The following DGKG variants were observed in gnomAD, a reference collection of about 807,000 sequenced individuals.
DGKG encodes the protein DAG kinase gamma.
In DGKG, 78 loss-of-function variants were observed where a neutral mutation model predicts 105.3. The observed-to-expected ratio is 0.74, with a 90% CI of 0.62 to 0.89. DGKG has a LOEUF of 0.89. Ranked by LOEUF, DGKG falls within the 40% of genes least tolerant of loss-of-function variation. DGKG has a pLI of 0.00. For missense variants in DGKG, 958 were observed against 1,020.1 expected, an observed-to-expected ratio of 0.94 and a Z score of 0.83; for synonymous variants, 346 against 367.1, an observed-to-expected ratio of 0.94 and a Z score of 0.66.
At chr3:186,308,602 A>T (rs1396417879) in intron 2 of DGKG, among the ~76,000 whole-genome samples, 2 of 152,176 alleles carry the variant, frequency 1.3e-5, no homozygotes, top group East Asian at 3.8e-4. Flanking sequence ...AGAAGTTCTA[A>T]TCATTTCAGG....
chr3:186,234,201 T>C (rs1057374257), intron 20 of DGKG, among the ~76,000 whole-genome samples: 2 of 152,228 alleles, frequency 1.3e-5, no homozygotes, highest in African/African-American at 2.4e-5. Context: ...TTTTAAATAT[T>C]TGAGGCCAAT....
At chr3:186,183,509 G>T (rs1249766543) in intron 22 of DGKG, among the ~76,000 whole-genome samples, 1 of 151,902 alleles carries the variant, frequency 6.6e-6, no homozygotes, top group African/African-American at 2.4e-5. Flanking sequence ...TTTCTTGGGG[G>T]GGGGCGGGGT....
chr3:186,354,523 G>A (rs991549834), intron 1 of DGKG, among the ~76,000 whole-genome samples: 7 of 152,198 alleles, frequency 4.6e-5, no homozygotes, highest in Non-Finnish European at 1.5e-5. Flanking sequence ...AGGCAAGTCT[G>A]GGTTTTGTCA....
intron 2 of DGKG, among the ~76,000 whole-genome samples, chr3:186,312,199 A>C (rs1724589791): frequency 6.6e-6 from 1 of 150,502 alleles, no homozygotes; most frequent in African/African-American, 2.4e-5. Flanking sequence ...AAACTGTTAA[A>C]CTCCGAAAAA....
intron 6 of DGKG, 140 bp downstream of exon 6, chr3:186,288,570 G>A: frequency 1.2e-6 from 1 of 851,500 alleles, no homozygotes. Context: ...TTTGGTAACA[G>A]GACAAAGAAA....
chr3:186,149,159 A>G lies in DGKG; in HGVS notation c.*931T>C. ...CTTCCTTCCCATCTTTTCTGCCTTC[A>G]GGAATAGTCTGCCACCAGGGCTTGG... is the stretch of plus-strand genomic sequence containing the variant. On this transcript the variant is annotated 3_prime_UTR_variant, in exon 25 of 25. Transcript: ENST00000265022. 1.0e-6 allele frequency: 1 copy of G among 985,096 alleles called. No homozygotes were observed. 61.0% of individuals were successfully genotyped at this position (985,096 alleles called of 1,614,324 possible). A position where few individuals can be genotyped will look rare whatever the true frequency, so the allele number is the denominator to read the frequency against.
chr3:186,345,855 C>T (rs547599682), intron 1 of DGKG, among the ~76,000 whole-genome samples: 31 of 152,266 alleles, frequency 2.0e-4, no homozygotes, highest in South Asian at 1.0e-3. Context: ...CTGCAACCTC[C>T]GCCTCATGAG....
intron 22 of DGKG, among the ~76,000 whole-genome samples, chr3:186,186,774 G>A (rs561878101): frequency 6.6e-6 from 1 of 152,170 alleles, no homozygotes; most frequent in African/African-American, 2.4e-5. Context: ...AGCCCACAGG[G>A]GAATCAGCTG....
At chr3:186,311,282 A>G (rs1299628682) in intron 2 of DGKG, among the ~76,000 whole-genome samples, 3 of 152,128 alleles carry the variant, frequency 2.0e-5, no homozygotes, top group Non-Finnish European at 4.4e-5. Flanking sequence ...TGTCCTAAAA[A>G]GCCCCTGAAC....
intron 17 of DGKG, among the ~76,000 whole-genome samples, chr3:186,256,959 CCTGT>C (rs1721505573): frequency 6.6e-6 from 1 of 152,202 alleles, no homozygotes; most frequent in Admixed American, 6.5e-5. Flanking sequence ...TTGTTCATTG[CCTGT>C]CTCTTTCCTC....
At position 186,353,604 on chromosome 3, in the gene DGKG, T is replaced by C. The variant is rs202023155; in HGVS notation, c.-249+8342A>G. On this transcript the variant is annotated intron_variant, in intron 1 of 24. Transcript: ENST00000265022. The stretch of plus-strand genomic sequence containing the variant: ...ATATATATATATACACACACACACA[T>C]ACACATATATATAGACTCTCTATCT... Among the ~76,000 whole-genome samples, 174 of 144,442 alleles carry C rather than the reference T, an allele frequency of 1.2e-3. 1 individual carries two copies. The highest frequency in any genetic ancestry group is 7.3e-3 in the Middle Eastern group (2 of 274). The allele number at this position is 144,442 out of a possible 152,430, so 94.8% of individuals were successfully genotyped here.
rs1382046842 is a variant in DGKG, at chr3:186,148,030, T to C, written c.*2060A>G. The C allele has an allele frequency of 5.1e-6, 5 of 985,462 alleles. No individual in the cohort carries two copies. The highest frequency in any genetic ancestry group is 6.0e-6 in the Non-Finnish European group (5 of 829,950). 61.0% of individuals were successfully genotyped at this position (985,462 alleles called of 1,614,324 possible). ...TAAGTGCCATTTGTACACACAATCT[T>C]AATATTCCCTTCTTTGTCCAAAGCT... On this transcript the variant is annotated 3_prime_UTR_variant, in exon 25 of 25. Transcript: ENST00000265022.
chr3:186,213,704 G>A (rs920790240), intron 20 of DGKG, among the ~76,000 whole-genome samples: 1 of 152,136 alleles, frequency 6.6e-6, no homozygotes, highest in Non-Finnish European at 1.5e-5. Flanking sequence ...CCAATCTGTA[G>A]AGATTCTATG....
At chr3:186,238,156 G>A (rs769591556) in intron 20 of DGKG, among the ~76,000 whole-genome samples, 2 of 151,900 alleles carry the variant, frequency 1.3e-5, no homozygotes, top group Non-Finnish European at 2.9e-5. Context: ...AGTTAGCCAG[G>A]CGTGGTGGTG....
At chr3:186,233,355 AC>A (rs1720247008) in intron 20 of DGKG, among the ~76,000 whole-genome samples, 1 of 152,200 alleles carries the variant, frequency 6.6e-6, no homozygotes, top group East Asian at 1.9e-4. Context: ...AGGCAAGGAA[AC>A]AGCTTTTCCC....
At chr3:186,264,367 G>A (rs1265712068) in intron 14 of DGKG, among the ~76,000 whole-genome samples, 6 of 152,010 alleles carry the variant, frequency 3.9e-5, no homozygotes, top group Admixed American at 3.3e-4. Flanking sequence ...AGGTTCAAGC[G>A]ATTCTCCTGC....
intron 14 of DGKG, among the ~76,000 whole-genome samples, chr3:186,262,459 G>A (rs532942129): frequency 5.8e-4 from 88 of 152,278 alleles, no homozygotes; most frequent in Non-Finnish European, 9.1e-4. Flanking sequence ...ACAGCCCCAT[G>A]CTGCTTGTGC....
intron 5 of DGKG, among the ~76,000 whole-genome samples, chr3:186,294,611 G>A (rs1723461776): frequency 6.6e-6 from 1 of 151,728 alleles, no homozygotes; most frequent in African/African-American, 2.4e-5. Flanking sequence ...GTTTCTTGCT[G>A]GGAGTTTAAA....
intron 1 of DGKG, among the ~76,000 whole-genome samples, chr3:186,349,620 T>C (rs753208708): frequency 6.6e-6 from 1 of 152,220 alleles, no homozygotes; most frequent in Non-Finnish European, 1.5e-5. Flanking sequence ...CTGCTAGATA[T>C]TGTTTTCATG....
Sources: allele counts gnomAD v4.1 joint callset (sites outside exome capture counted in the v4.1 genomes callset), GRCh38; gene constraint gnomAD v4.1.1; transcripts MANE v1.5; gene names NCBI Gene and HGNC (gene_info 2026-07-23, HGNC 2026-07-21).